The following METAP1D variants were observed in gnomAD, a reference collection of about 807,000 sequenced individuals.
METAP1D encodes methionyl aminopeptidase type 1D, mitochondrial.
In METAP1D, 31 loss-of-function variants were observed where a neutral mutation model predicts 40.5. That is an observed-to-expected ratio of 0.77 (90% CI 0.58 to 1.03). The LOEUF (loss-of-function observed/expected upper bound fraction) is 1.03, where lower values mean the gene tolerates loss of function less well. Among genes scored for constraint, METAP1D ranks in the 50% least tolerant of loss-of-function variants. METAP1D has a pLI of 0.00. For missense variants in METAP1D, 411 were observed against 420.7 expected (o/e 0.98, Z 0.20); for synonymous variants, 151 against 146.4 (o/e 1.03, Z -0.22).
chr2:172,040,938 C>A (rs1689506727), intron 1 of METAP1D, among the ~76,000 whole-genome samples: 1 of 151,268 alleles, frequency 6.6e-6, no homozygotes, highest in African/African-American at 2.4e-5. Flanking sequence ...GTAGAGACGC[C>A]CGGCTAACTT....
At chr2:172,020,928 C>T (rs1183124761) in intron 1 of METAP1D, among the ~76,000 whole-genome samples, 4 of 152,056 alleles carry the variant, frequency 2.6e-5, no homozygotes, top group Non-Finnish European at 5.9e-5. Flanking sequence ...AAATGGCTTT[C>T]CCATTATGTC....
At chr2:172,022,090 G>A (rs557778687) in intron 1 of METAP1D, among the ~76,000 whole-genome samples, 2 of 152,178 alleles carry the variant, frequency 1.3e-5, no homozygotes, top group Admixed American at 1.3e-4. Flanking sequence ...ACCTGGTGGC[G>A]CCTATATTTC....
At chr2:172,009,033 G>A (rs546176863) in intron 1 of METAP1D, among the ~76,000 whole-genome samples, 2 of 151,622 alleles carry the variant, frequency 1.3e-5, no homozygotes, top group African/African-American at 4.8e-5. Context: ...GTTTATTTCT[G>A]GAATTTTCTT....
At position 172,034,076 on chromosome 2, in the gene METAP1D, C is replaced by CAAAAAA. The variant is rs1491369972; in HGVS notation, c.41-27410_41-27405dup. ...TGGGCAACAGAGCAAGACTTCATCT[C>CAAAAAA]AAAAAAAAAAAAAAAAACAAAAGTC... On this transcript the variant is annotated intron_variant, in intron 1 of 9. Transcript: ENST00000315796. Among the ~76,000 whole-genome samples the CAAAAAA allele has an allele frequency of 5.1e-5, 2 of 39,114 alleles. 1 individual carries two copies. Among genetic ancestry groups the CAAAAAA allele is most frequent in the African/African-American group, 1.9e-4 (2 of 10,456 alleles). 25.7% of individuals were successfully genotyped at this position (39,114 alleles called of 152,430 possible).
intron 1 of METAP1D, among the ~76,000 whole-genome samples, chr2:172,060,256 A>G (rs1299548357): frequency 6.6e-6 from 1 of 151,870 alleles, no homozygotes; most frequent in Non-Finnish European, 1.5e-5. Flanking sequence ...TCTCTACAAA[A>G]AATACAAAAA....
chr2:172,039,849 A>G (rs1965160), intron 1 of METAP1D, among the ~76,000 whole-genome samples: 78,279 of 151,470 alleles, frequency 0.52, 21,596 homozygotes, highest in East Asian at 0.85. Context: ...GCTAATTTTT[A>G]TATTTTTAGT....
At chr2:172,040,903 C>A (rs923722974) in intron 1 of METAP1D, among the ~76,000 whole-genome samples, 2 of 151,754 alleles carry the variant, frequency 1.3e-5, no homozygotes, top group South Asian at 2.1e-4. Flanking sequence ...CACACCACCA[C>A]GCCCGGCTAA....
At chr2:172,025,749 C>T (rs1259145754) in intron 1 of METAP1D, among the ~76,000 whole-genome samples, 1 of 152,082 alleles carries the variant, frequency 6.6e-6, no homozygotes. Context: ...CTTCGTTGCC[C>T]AGGCTGGAGT....
intron 6 of METAP1D, among the ~76,000 whole-genome samples, chr2:172,073,377 C>G (rs986171936): frequency 4.0e-5 from 6 of 151,446 alleles, no homozygotes; most frequent in African/African-American, 1.2e-4. Flanking sequence ...TTAATTCTAG[C>G]TACATTAAAA....
chr2:172,066,490 G>C (rs905486166), intron 5 of METAP1D, among the ~76,000 whole-genome samples, 184 bp downstream of exon 5: 1 of 152,148 alleles, frequency 6.6e-6, no homozygotes, highest in African/African-American at 2.4e-5. Flanking sequence ...ACCCAGGCCT[G>C]ACTTGAATTT....
chr2:172,066,867 C>T (rs1267575721), intron 5 of METAP1D, among the ~76,000 whole-genome samples: 1 of 152,164 alleles, frequency 6.6e-6, no homozygotes, highest in Non-Finnish European at 1.5e-5. Context: ...CTGAAGGTAA[C>T]GTTGAGTTCC....
rs201067627 is a variant in METAP1D, at chr2:172,054,915, T to TA, written c.41-6577dup. 2.3e-3 allele frequency among the ~76,000 whole-genome samples: 353 copies of TA among 152,322 alleles called. 3 individuals are homozygous for TA. The East Asian group carries it at 0.033, about 14-fold the overall frequency. The stretch of plus-strand genomic sequence containing the variant: ...ATAACAGTAACTATTCTAGTATTCA[T>TA]AAAAAATAACATGTAGATTTACTCC... On this transcript the variant is annotated intron_variant, in intron 1 of 9. Coordinates refer to ENST00000315796, the MANE Select transcript of METAP1D (RefSeq NM_199227.3).
chr2:172,000,335 A>G (rs1483896507), intron 1 of METAP1D, among the ~76,000 whole-genome samples: 2 of 152,222 alleles, frequency 1.3e-5, no homozygotes, highest in African/African-American at 2.4e-5. Flanking sequence ...TTTATTCTGT[A>G]TGCCGAGCAA....
intron 1 of METAP1D, among the ~76,000 whole-genome samples, chr2:172,011,460 A>G (rs1160946280): frequency 6.6e-6 from 1 of 151,678 alleles, no homozygotes; most frequent in African/African-American, 2.4e-5. Flanking sequence ...AATTTTTTGT[A>G]TTTTTAGTAG....
At position 172,031,866 on chromosome 2, in the gene METAP1D, C is replaced by T. The variant is rs900708054; in HGVS notation, c.41-29632C>T. ...TTTCAGCCATGGGAATAACCAGTTG[C>T]TTCATTGTGTGTTTTGTCAAAGTGC... On this transcript the variant is annotated intron_variant, in intron 1 of 9. Coordinates refer to ENST00000315796, the MANE Select transcript of METAP1D (RefSeq NM_199227.3). 2.6e-5 allele frequency among the ~76,000 whole-genome samples: 4 copies of T among 152,126 alleles called. No homozygotes were observed. The East Asian group carries it at 7.7e-4, about 29-fold the overall frequency.
chr2:172,007,925 A>C lies in METAP1D; in HGVS notation c.40+7916A>C, dbSNP rs548999786. ...GGCTGGTCTCCAACTCCTGATCTCAAGTGATCCACCTCAGCCTCCCAAAGT... is the reference window on the plus strand; with the variant it reads ...GGCTGGTCTCCAACTCCTGATCTCACGTGATCCACCTCAGCCTCCCAAAGT... On this transcript the variant is annotated intron_variant, in intron 1 of 9. Coordinates refer to ENST00000315796, the MANE Select transcript of METAP1D (RefSeq NM_199227.3). 2.6e-5 allele frequency among the ~76,000 whole-genome samples: 4 copies of C among 152,108 alleles called. No homozygotes were observed. In the East Asian group the frequency reaches 7.7e-4, roughly 29 times the overall value.
chr2:172,080,218 C>T lies in METAP1D; in HGVS notation c.929+12C>T, dbSNP rs1323471732. The T allele has an allele frequency of 6.2e-7, 1 of 1,614,124 alleles. No individual in the cohort carries two copies. Among genetic ancestry groups the T allele is most frequent in the Non-Finnish European group, 8.5e-7 (1 of 1,179,940 alleles). ...CTAGACAATCAAAGGTGTTTGCTTT[C>T]TGCTCTGTTGCTTTTAAATTGTATG... On this transcript the variant is annotated intron_variant, in intron 9 of 9. Coordinates refer to ENST00000315796, the MANE Select transcript of METAP1D (RefSeq NM_199227.3).
chr2:172,055,265 AT>A (rs1433471050), intron 1 of METAP1D, among the ~76,000 whole-genome samples: 3 of 117,228 alleles, frequency 2.6e-5, no homozygotes, highest in Admixed American at 8.0e-5. Flanking sequence ...CATGCATCAA[AT>A]TTGTTGTAAC....
At chr2:172,061,678 C>T in intron 2 of METAP1D, 23 bp downstream of exon 2, 1 of 1,546,456 alleles carries the variant, frequency 6.5e-7, no homozygotes. Flanking sequence ...CTATTATCTC[C>T]TGCTTTTTCC....
Sources: allele counts gnomAD v4.1 joint callset (sites outside exome capture counted in the v4.1 genomes callset), GRCh38; gene constraint gnomAD v4.1.1; transcripts MANE v1.5; gene names NCBI Gene and HGNC (gene_info 2026-07-23, HGNC 2026-07-21).